The following CNTN5 variants were observed in gnomAD, a reference collection of about 807,000 sequenced individuals.
CNTN5 encodes contactin 5.
CNTN5 carries 77 observed loss-of-function variants against 129.1 expected under a neutral mutation model. The observed-to-expected ratio is 0.60, with a 90% CI of 0.50 to 0.72. CNTN5 has a LOEUF of 0.72. Ranked by LOEUF, CNTN5 falls within the 30% of genes least tolerant of loss-of-function variation. The pLI is 0.00. For synonymous variants in CNTN5, 509 were observed against 465.6 expected (o/e 1.09, Z -1.20); for missense variants, 1,478 against 1,328.8 (o/e 1.11, Z -1.75).
At chr11:99,300,047 G>A (rs1437871426) in intron 1 of CNTN5, among the ~76,000 whole-genome samples, 3 of 152,036 alleles carry the variant, frequency 2.0e-5, no homozygotes, top group Middle Eastern at 6.8e-3. Context: ...CTGCATCCTT[G>A]CCAACATTTG....
intron 2 of CNTN5, among the ~76,000 whole-genome samples, chr11:99,398,448 G>C (rs1941639119): frequency 6.6e-6 from 1 of 151,738 alleles, no homozygotes; most frequent in Non-Finnish European, 1.5e-5. Context: ...TTAATATTTT[G>C]TATTCATCAT....
intron 1 of CNTN5, among the ~76,000 whole-genome samples, chr11:99,135,033 C>T (rs775305245): frequency 1.3e-5 from 2 of 152,138 alleles, no homozygotes; most frequent in Non-Finnish European, 2.9e-5. Context: ...TCCACTTCCA[C>T]GTAGAACACT....
chr11:99,065,993 T>C (rs1044797383), intron 1 of CNTN5, among the ~76,000 whole-genome samples: 14 of 136,922 alleles, frequency 1.0e-4, no homozygotes, highest in Non-Finnish European at 1.6e-4. Flanking sequence ...TTAGTGACTG[T>C]GGAATTTTTT....
At chr11:99,746,084 A>G (rs1944047269) in intron 3 of CNTN5, among the ~76,000 whole-genome samples, 1 of 152,196 alleles carries the variant, frequency 6.6e-6, no homozygotes, top group Non-Finnish European at 1.5e-5. Flanking sequence ...GGTTGCCTGC[A>G]AGTATTTTAG....
chr11:99,856,075 G>A (rs935718372), intron 6 of CNTN5, among the ~76,000 whole-genome samples: 2 of 152,120 alleles, frequency 1.3e-5, no homozygotes, highest in Non-Finnish European at 2.9e-5. Flanking sequence ...TTCTAAGAAG[G>A]CTCACTAATT....
intron 2 of CNTN5, among the ~76,000 whole-genome samples, chr11:99,473,190 T>C (rs929629759): frequency 5.3e-5 from 8 of 152,204 alleles, no homozygotes; most frequent in African/African-American, 1.9e-4. Flanking sequence ...TTCTTATTTA[T>C]ACTTGCTTTG....
chr11:99,682,349 G>A lies in CNTN5; in HGVS notation c.55+126080G>A, dbSNP rs554057044. Among the ~76,000 whole-genome samples, 13 of 151,888 alleles carry A rather than the reference G, an allele frequency of 8.6e-5. No individual in the cohort carries two copies. The South Asian group carries it at 1.2e-3, about 15-fold the overall frequency. On this transcript the variant is annotated intron_variant, in intron 3 of 24. Coordinates refer to ENST00000524871, the MANE Select transcript of CNTN5 (RefSeq NM_014361.4). ...TAGAAAGATATTAATTGTGGGGTAC[G>A]TCATAGGTGAGTCAAAGAATACTAC... is the stretch of plus-strand genomic sequence containing the variant.
rs1372655 is a variant in CNTN5, at chr11:100,353,818, G to A, written c.3200-2299G>A. On this transcript the variant is annotated intron_variant, in intron 24 of 24. Transcript: ENST00000524871. ...TGCATTTGTGTGTGTGTGTGTGCACGCCCATGTGTGTGTTTACCAAACAAA... is the reference window on the plus strand; with the variant it reads ...TGCATTTGTGTGTGTGTGTGTGCACACCCATGTGTGTGTTTACCAAACAAA... Among the ~76,000 whole-genome samples, 18 of 151,412 alleles carry A rather than the reference G, an allele frequency of 1.2e-4. No individual in the cohort carries two copies. In the South Asian group the frequency reaches 1.2e-3, roughly 10 times the overall value.
At chr11:99,995,455 T>C (rs2137435349) in intron 8 of CNTN5, among the ~76,000 whole-genome samples, 1 of 152,132 alleles carries the variant, frequency 6.6e-6, no homozygotes, top group East Asian at 1.9e-4. Context: ...ACATAACAAA[T>C]AAATAGATAA....
intron 3 of CNTN5, among the ~76,000 whole-genome samples, chr11:99,809,045 C>G (rs1230326469): frequency 1.3e-5 from 2 of 152,160 alleles, no homozygotes; most frequent in Admixed American, 1.3e-4. Context: ...ACACAACTTC[C>G]TTTGTCCCTA....
At position 99,441,852 on chromosome 11, in the gene CNTN5, A is replaced by T. The variant is rs552706847; in HGVS notation, c.-70-114293A>T. ...GCTAAAGTCTTCAAAGTCATTTTTA[A>T]TATATTTTGAGATGTGACTCCATGC... On this transcript the variant is annotated intron_variant, in intron 2 of 24. Transcript: ENST00000524871. Among the ~76,000 whole-genome samples, 11 of 152,204 alleles carry T rather than the reference A, an allele frequency of 7.2e-5. No homozygotes were observed. In the South Asian group the frequency reaches 2.3e-3, roughly 32 times the overall value.
Position 99,102,622 on chromosome 11 carries a change from G to A in CNTN5, c.-210+81352G>A, listed in dbSNP as rs150689941. 3.3e-3 allele frequency among the ~76,000 whole-genome samples: 507 copies of A among 152,176 alleles called. 4 individuals carry two copies. Among genetic ancestry groups the A allele is most frequent in the Non-Finnish European group, 2.5e-3 (167 of 68,018 alleles). ...TTGCTAAAACATAGCAAGAGTCACCGTTACTCCAGTTCCCAACAAGTTCCT... is the reference window on the plus strand; with the variant it reads ...TTGCTAAAACATAGCAAGAGTCACCATTACTCCAGTTCCCAACAAGTTCCT... On this transcript the variant is annotated intron_variant, in intron 1 of 24. Coordinates refer to ENST00000524871, the MANE Select transcript of CNTN5 (RefSeq NM_014361.4).
intron 12 of CNTN5, among the ~76,000 whole-genome samples, chr11:100,072,071 G>A (rs995503009): frequency 4.0e-5 from 6 of 151,834 alleles, no homozygotes; most frequent in Non-Finnish European, 8.8e-5. Context: ...AATCTTAAAA[G>A]GTTTACACAA....
At chr11:99,320,805 C>T (rs922836632) in intron 1 of CNTN5, among the ~76,000 whole-genome samples, 6 of 152,092 alleles carry the variant, frequency 3.9e-5, no homozygotes, top group Non-Finnish European at 8.8e-5. Flanking sequence ...GGGCCATGGG[C>T]TCCCCAGACA....
chr11:100,190,729 G>T (rs73000847), intron 13 of CNTN5, among the ~76,000 whole-genome samples: 9 of 103,054 alleles, frequency 8.7e-5, no homozygotes, highest in South Asian at 2.8e-4. Context: ...TTTTTATGCT[G>T]TTTTTTTTTT....
At chr11:99,671,036 A>G (rs1417909170) in intron 3 of CNTN5, among the ~76,000 whole-genome samples, 1 of 152,154 alleles carries the variant, frequency 6.6e-6, no homozygotes. Flanking sequence ...CTCATTTTAA[A>G]TATCATTCAC....
chr11:100,113,306 A>G (rs1186329136), intron 13 of CNTN5, among the ~76,000 whole-genome samples: 1 of 151,394 alleles, frequency 6.6e-6, no homozygotes, highest in East Asian at 1.9e-4. Context: ...GCTAGTAGCT[A>G]CTATATTAAT....
chr11:100,127,705 C>T lies in CNTN5; in HGVS notation c.1580+53411C>T, dbSNP rs1371791633. Among the ~76,000 whole-genome samples the T allele has an allele frequency of 4.7e-5, 6 of 128,256 alleles. No homozygotes were observed. The Admixed American group carries it at 5.7e-4, about 12-fold the overall frequency. The allele number at this position is 128,256 out of a possible 152,430, so 84.1% of individuals were successfully genotyped here. ...TGGAGTCTCTCTCTTGTCACCCAGG[C>T]TGGAGTGCAATGGCACAATCTTGGC... On this transcript the variant is annotated intron_variant, in intron 13 of 24. Transcript: ENST00000524871.
chr11:99,824,725 A>T (rs1283763671), intron 4 of CNTN5, among the ~76,000 whole-genome samples: 6 of 151,956 alleles, frequency 3.9e-5, no homozygotes, highest in Non-Finnish European at 4.4e-5. Context: ...TGTTTAAACC[A>T]CATGAAATTA....
Sources: allele counts gnomAD v4.1 joint callset (sites outside exome capture counted in the v4.1 genomes callset), GRCh38; gene constraint gnomAD v4.1.1; transcripts MANE v1.5; gene names NCBI Gene and HGNC (gene_info 2026-07-23, HGNC 2026-07-21).